CDC42BPA: variants seen among roughly 807,000 people sequenced by gnomAD.
CDC42BPA encodes CDC42 binding protein kinase alpha.
Under a neutral mutation model 223.5 loss-of-function variants are expected in CDC42BPA, and 80 were observed. That is an observed-to-expected ratio of 0.36 (90% CI 0.30 to 0.43). The LOEUF is 0.43. Ranked by LOEUF, CDC42BPA falls within the 20% of genes least tolerant of loss-of-function variation. The pLI is 1.00. For synonymous variants in CDC42BPA, 694 were observed against 718.6 expected (o/e 0.97, Z 0.55); for missense variants, 1,743 against 2,099.9 (o/e 0.83, Z 3.32).
intron 15 of CDC42BPA, among the ~76,000 whole-genome samples, chr1:227,096,477 C>T (rs1158528830): frequency 1.3e-5 from 2 of 152,166 alleles, no homozygotes; most frequent in Non-Finnish European, 2.9e-5. Flanking sequence ...ACTTTTTCAT[C>T]GCTTAGTTGC....
chr1:227,256,989 A>ACACACACACC lies in CDC42BPA; in HGVS notation c.179-2835_179-2834insGGTGTGTGTG, dbSNP rs781287283. On this transcript the variant is annotated intron_variant, in intron 1 of 36. Transcript: ENST00000366766. Reference sequence around the variant, plus strand: ...CACACACACACACACACACACACACACCAGTATGTTAAGCAGCTTTAAAAT... The same window carrying ACACACACACC: ...CACACACACACACACACACACACACACACACACACCCCAGTATGTTAAGCAGCTTTAAAAT... 3.6e-3 allele frequency among the ~76,000 whole-genome samples: 524 copies of ACACACACACC among 146,696 alleles called. 5 individuals are homozygous for ACACACACACC. Among genetic ancestry groups the ACACACACACC allele is most frequent in the African/African-American group, 0.013 (505 of 39,766 alleles).
chr1:227,028,549 C>CT, intron 30 of CDC42BPA, 108 bp downstream of exon 30: 1 of 753,604 alleles, frequency 1.3e-6, no homozygotes, highest in Non-Finnish European at 2.1e-6. Flanking sequence ...TTAAGAATGA[C>CT]TTTTTTAAAA....
chr1:227,120,153 G>C (rs965559083), intron 11 of CDC42BPA, among the ~76,000 whole-genome samples: 1 of 150,322 alleles, frequency 6.7e-6, no homozygotes, highest in Non-Finnish European at 1.5e-5. Flanking sequence ...GTGCAACAAT[G>C]CCTTACATAC....
intron 1 of CDC42BPA, among the ~76,000 whole-genome samples, chr1:227,298,711 T>C (rs184293863): frequency 1.1e-3 from 162 of 152,338 alleles, no homozygotes; most frequent in Non-Finnish European, 1.3e-3. Context: ...CTATCTGGCA[T>C]AAGCAGATAC....
At position 227,112,810 on chromosome 1, in the gene CDC42BPA, T is replaced by A; in HGVS notation, c.1751A>T (p.Glu584Val). The A allele has an allele frequency of 6.2e-7, 1 of 1,614,132 alleles. No individual in the cohort carries two copies. The highest frequency in any genetic ancestry group is 8.5e-7 in the Non-Finnish European group (1 of 1,179,998). The change falls in exon 13 of 37, where the codon GAG becomes GTG. Residue 584 changes from glutamate (E) to valine (V), a missense_variant. Physicochemically the swap from Glu to Val is moderately radical, Grantham distance 121. Around this residue, in one of 6 missense-constraint regions of CDC42BPA, gnomAD observed 464 missense variants for 488.0 expected, o/e 0.95. Transcript: ENST00000366766. ...LAMQEFMEIN[E>V]RLTELHTQKQ... ...TTGGGTGTGCAATTCTGTTAGCCGCTCATTGATCTCCATGAATTCCTGCAT... is the reference window on the plus strand; with the variant it reads ...TTGGGTGTGCAATTCTGTTAGCCGCACATTGATCTCCATGAATTCCTGCAT...
rs1442223117 is a variant in CDC42BPA at position 227,069,796 on chromosome 1, T to C, written c.2885A>G (p.Asp962Gly). The C allele has an allele frequency of 6.2e-7, 1 of 1,610,624 alleles. No individual in the cohort carries two copies. Reference sequence around the variant, plus strand: ...ACTTACTTCAAATTGATCCAGAGCATCGGTAGGCGTATTCAAAAATGCCAA... The same window carrying C: ...ACTTACTTCAAATTGATCCAGAGCACCGGTAGGCGTATTCAAAAATGCCAA... ...SFLAFLNTPTDALDQFETDPV... is the reference protein window; with the variant it reads ...SFLAFLNTPTGALDQFETDPV... Residue 962 changes from aspartate to glycine, a missense_variant, in exon 21 of 37, where the codon GAT becomes GGT. Around this residue, in one of 6 missense-constraint regions of CDC42BPA, gnomAD observed 678 missense variants for 777.5 expected, o/e 0.87. Transcript: ENST00000366766.
intron 33 of CDC42BPA, 48 bp from the exon 34 acceptor site, chr1:227,016,245 T>C (rs1665359862): frequency 2.1e-6 from 2 of 964,068 alleles, no homozygotes; most frequent in Non-Finnish European, 3.3e-6. Context: ...AGTTAATTTA[T>C]GTAGCTTATG....
At chr1:227,271,920 A>T (rs2813948) in intron 1 of CDC42BPA, among the ~76,000 whole-genome samples, 95,439 of 151,960 alleles carry the variant, frequency 0.63, 30,133 homozygotes, top group East Asian at 0.74. Context: ...AAATTTTACA[A>T]AATAGCTTCC....
Position 226,992,468 on chromosome 1 carries a change from C to T in CDC42BPA, c.*1800G>A, listed in dbSNP as rs1660872687. The T allele has an allele frequency of 6.6e-6, 1 of 152,378 alleles. No homozygotes were observed. Among genetic ancestry groups the T allele is most frequent in the Admixed American group, 6.5e-5 (1 of 15,294 alleles). The allele number at this position is 152,378 out of a possible 1,614,324, so 9.4% of individuals were successfully genotyped here. On this transcript the variant is annotated 3_prime_UTR_variant, in exon 37 of 37. Transcript: ENST00000366766. ...CAGAACCTTCTCCACACAGCAGCATCACCTGGAAACAGCCTCAGCTCCCTG... is the reference window on the plus strand; with the variant it reads ...CAGAACCTTCTCCACACAGCAGCATTACCTGGAAACAGCCTCAGCTCCCTG...
chr1:227,220,201 C>T (rs1209091791), intron 2 of CDC42BPA, among the ~76,000 whole-genome samples: 1 of 150,762 alleles, frequency 6.6e-6, no homozygotes, highest in Non-Finnish European at 1.5e-5. Context: ...AAGTAACTGC[C>T]TTACATATCC....
At chr1:227,193,063 C>CTTTTTT (rs1160548241) in intron 5 of CDC42BPA, among the ~76,000 whole-genome samples, 22 of 117,032 alleles carry the variant, frequency 1.9e-4, no homozygotes, top group African/African-American at 3.2e-4. Context: ...GAAGTGAGAA[C>CTTTTTT]TTTTTTTTTT....
intron 10 of CDC42BPA, among the ~76,000 whole-genome samples, chr1:227,138,411 G>A (rs1558587403): frequency 6.7e-6 from 1 of 149,608 alleles, no homozygotes; most frequent in Non-Finnish European, 1.5e-5. Context: ...GCTTCAAATA[G>A]AGAATATTCT....
rs1553374261 is a variant in CDC42BPA, at chr1:227,168,497, G to GTTTTTTTTTTTTGTTTTTTTTTTTTTT, written c.600-7862_600-7861insAAAAAAAAAAAAAACAAAAAAAAAAAA. Among the ~76,000 whole-genome samples, 14 of 80,196 alleles carry GTTTTTTTTTTTTGTTTTTTTTTTTTTT rather than the reference G, an allele frequency of 1.7e-4. 1 individual carries two copies. Among genetic ancestry groups the GTTTTTTTTTTTTGTTTTTTTTTTTTTT allele is most frequent in the Non-Finnish European group, 2.4e-4 (10 of 42,212 alleles). The allele number at this position is 80,196 out of a possible 152,430, so 52.6% of individuals were successfully genotyped here. ...CTTTTTCATATTTATCTTCCCTGGT[G>GTTTTTTTTTTTTGTTTTTTTTTTTTTT]TTTTTTTTTTTTTTTTGAGGCAGAG... On this transcript the variant is annotated intron_variant, in intron 5 of 36. Transcript: ENST00000366766.
chr1:227,083,654 A>G (rs1681189601), intron 16 of CDC42BPA, among the ~76,000 whole-genome samples: 2 of 152,178 alleles, frequency 1.3e-5, no homozygotes. Context: ...GTGTATACAA[A>G]CTTTAGATAA....
intron 17 of CDC42BPA, among the ~76,000 whole-genome samples, chr1:227,079,178 C>T (rs1680121483): frequency 6.6e-6 from 1 of 152,070 alleles, no homozygotes; most frequent in Admixed American, 6.5e-5. Flanking sequence ...TCTATTACTC[C>T]ATTTCTAAAT....
At chr1:227,099,553 G>T (rs1684622273) in intron 15 of CDC42BPA, among the ~76,000 whole-genome samples, 1 of 152,114 alleles carries the variant, frequency 6.6e-6, no homozygotes, top group Non-Finnish European at 1.5e-5. Context: ...CTCAGAATAA[G>T]AAACTATGCA....
At chr1:227,316,889 T>G (rs918148680) in intron 1 of CDC42BPA, 116 bp downstream of exon 1, 14 of 766,480 alleles carry the variant, frequency 1.8e-5, no homozygotes, top group Non-Finnish European at 2.7e-5. Flanking sequence ...CTAGTGTCTG[T>G]TTTTTTATTG....
At chr1:227,057,245 A>T (rs1320492) in intron 21 of CDC42BPA, among the ~76,000 whole-genome samples, 19,630 of 152,138 alleles carry the variant, frequency 0.13, 1,344 homozygotes, top group East Asian at 0.26. Flanking sequence ...CTTCTACTAT[A>T]CTTAATACTA....
intron 11 of CDC42BPA, among the ~76,000 whole-genome samples, chr1:227,120,791 A>T (rs762150985): frequency 6.6e-6 from 1 of 152,188 alleles, no homozygotes; most frequent in Admixed American, 6.5e-5. Flanking sequence ...TTCTTTACAC[A>T]TTATTACTCT....
Sources: allele counts gnomAD v4.1 joint callset (sites outside exome capture counted in the v4.1 genomes callset), GRCh38; gene constraint gnomAD v4.1.1; regional missense constraint gnomAD v4.1.1; transcripts MANE v1.5; gene names NCBI Gene and HGNC (gene_info 2026-07-23, HGNC 2026-07-21).